MTMR12: variants seen among roughly 807,000 people sequenced by gnomAD.
MTMR12 encodes the protein myotubularin related protein 12.
In MTMR12, 33 loss-of-function variants were observed where a neutral mutation model predicts 96.7. That is an observed-to-expected ratio of 0.34 (90% CI 0.26 to 0.46). The LOEUF (loss-of-function observed/expected upper bound fraction) is 0.46. Among genes scored for constraint, MTMR12 ranks in the 20% least tolerant of loss-of-function variants. MTMR12 has a pLI of 1.00. For synonymous variants in MTMR12, 298 were observed against 327.2 expected, an observed-to-expected ratio of 0.91 and a Z score of 0.96; for missense variants, 721 against 896.1, an observed-to-expected ratio of 0.80 and a Z score of 2.49.
At chr5:32,263,818 T>C (rs1012315205) in intron 6 of MTMR12, among the ~76,000 whole-genome samples, 1 of 152,202 alleles carries the variant, frequency 6.6e-6, no homozygotes, top group African/African-American at 2.4e-5. Flanking sequence ...CATCTGACCA[T>C]GAGTTAATTT....
At chr5:32,259,546 C>A (rs1749275182) in intron 7 of MTMR12, among the ~76,000 whole-genome samples, 1 of 152,344 alleles carries the variant, frequency 6.6e-6, no homozygotes, top group Admixed American at 6.5e-5. Context: ...CCGTGTTACA[C>A]TGAGGACATA....
At chr5:32,235,193 G>C (rs1485030459) in intron 13 of MTMR12, 64 bp from the exon 14 acceptor site, 9 of 1,494,960 alleles carry the variant, frequency 6.0e-6, no homozygotes, top group South Asian at 3.9e-5. Flanking sequence ...CTGAGTTCAG[G>C]GGGCAGCCAC....
Position 32,229,947 on chromosome 5 carries a change from G to A in MTMR12, c.2075C>T (p.Ala692Val). The part of the protein sequence containing the change: ...HHSQQAPQAE[A>V]PCLLRNSARL... ...GGCAGAGTTCCTCAGCAGGCAGGGG[G>A]CCTCAGCCTGGGGGGCCTGCTGGCT... The change falls in exon 16 of 16, where the codon GCC (alanine) becomes GTC (valine). Residue 692 changes from alanine to valine, a missense_variant. Transcript: ENST00000382142. 3 of 1,612,392 alleles carry A rather than the reference G, an allele frequency of 1.9e-6. No individual in the cohort carries two copies. The South Asian group carries it at 3.3e-5, about 18-fold the overall frequency.
intron 1 of MTMR12, among the ~76,000 whole-genome samples, chr5:32,279,072 GTC>G (rs1750175833): frequency 1.6e-5 from 1 of 62,004 alleles, no homozygotes; most frequent in Non-Finnish European, 3.0e-5. Flanking sequence ...GCGAAACTCT[GTC>G]TCAAAAAAAA....
chr5:32,247,800 G>GGAGGCGGGGAGGGAAAGCCTGGAGA, intron 10 of MTMR12: 18 of 985,194 alleles, frequency 1.8e-5, no homozygotes, highest in Non-Finnish European at 2.2e-5. Flanking sequence ...GCCACAATAA[G>GGAGGCGGGGAGGGAAAGCCTGGAGA]GAGGCGGGGA....
chr5:32,305,687 T>C (rs1751327499), intron 1 of MTMR12, among the ~76,000 whole-genome samples: 1 of 152,148 alleles, frequency 6.6e-6, no homozygotes, highest in African/African-American at 2.4e-5. Flanking sequence ...GTGGATCACC[T>C]GAGGTTGGGA....
chr5:32,293,460 G>A (rs1485095766), intron 1 of MTMR12, among the ~76,000 whole-genome samples: 1 of 152,150 alleles, frequency 6.6e-6, no homozygotes, highest in Admixed American at 6.5e-5. Context: ...CTTCAGTTTT[G>A]AGACTCTGAC....
chr5:32,262,437 C>G (rs1040845617), intron 7 of MTMR12, among the ~76,000 whole-genome samples: 1 of 151,912 alleles, frequency 6.6e-6, no homozygotes, highest in African/African-American at 2.4e-5. Context: ...CCCATCTCTA[C>G]AAAAAGCAGA....
At chr5:32,243,818 G>T (rs541680370) in intron 10 of MTMR12, among the ~76,000 whole-genome samples, 2 of 152,334 alleles carry the variant, frequency 1.3e-5, no homozygotes, top group East Asian at 3.9e-4. Context: ...TGGTCAAAAA[G>T]AGATCTTTAT....
intron 15 of MTMR12, among the ~76,000 whole-genome samples, chr5:32,232,167 T>TC (rs896165066): frequency 2.6e-5 from 4 of 151,618 alleles, no homozygotes; most frequent in Admixed American, 2.0e-4. Context: ...CTGGAATGGG[T>TC]CCCCCCCACC....
chr5:32,233,758 A>G lies in MTMR12; in HGVS notation c.1674+15T>C. On this transcript the variant is annotated intron_variant, in intron 15 of 15. Coordinates refer to ENST00000382142, the MANE Select transcript of MTMR12 (RefSeq NM_001040446.3). This position sits in a 1 kb window ranked among gnomAD's most constrained non-coding sequence, Gnocchi z 5.0. ...CTGGGCAGCTGAAGGGGGTTTAGAC[A>G]TGTGGACATCTTACTTTGAAGCGCA... The G allele has an allele frequency of 6.2e-7, 1 of 1,614,198 alleles. No individual in the cohort carries two copies. Among genetic ancestry groups the G allele is most frequent in the Non-Finnish European group, 8.5e-7 (1 of 1,180,014 alleles).
intron 1 of MTMR12, among the ~76,000 whole-genome samples, chr5:32,306,632 T>A (rs961371953): frequency 6.6e-6 from 1 of 152,168 alleles, no homozygotes; most frequent in Non-Finnish European, 1.5e-5. Context: ...AAATAAAACC[T>A]TTCCTGAGCT....
intron 7 of MTMR12, among the ~76,000 whole-genome samples, chr5:32,261,505 A>C (rs1288674061): frequency 1.3e-5 from 2 of 152,172 alleles, no homozygotes; most frequent in African/African-American, 2.4e-5. Flanking sequence ...TCCACCATGT[A>C]AAACCTTCCT....
intron 1 of MTMR12, among the ~76,000 whole-genome samples, chr5:32,309,365 T>C (rs1325587241): frequency 6.6e-6 from 1 of 152,092 alleles, no homozygotes; most frequent in East Asian, 1.9e-4. Flanking sequence ...AATGGACAAA[T>C]GGGATCACAT....
chr5:32,299,925 G>C (rs867850505), intron 1 of MTMR12, among the ~76,000 whole-genome samples: 1 of 152,074 alleles, frequency 6.6e-6, no homozygotes, highest in East Asian at 1.9e-4. Flanking sequence ...CTTTAATGTC[G>C]ACCTTTCCAA....
intron 7 of MTMR12, among the ~76,000 whole-genome samples, chr5:32,257,261 A>G (rs1749176111): frequency 6.6e-6 from 1 of 152,318 alleles, no homozygotes; most frequent in East Asian, 1.9e-4. Context: ...TCAAGGCTGC[A>G]ATGAGCCATC....
intron 1 of MTMR12, among the ~76,000 whole-genome samples, chr5:32,309,115 C>T (rs1271056913): frequency 1.3e-5 from 2 of 152,166 alleles, no homozygotes; most frequent in African/African-American, 2.4e-5. Flanking sequence ...CCCTAATTAT[C>T]CCTCAAAGGA....
chr5:32,284,728 A>C (rs1750456432), intron 1 of MTMR12, among the ~76,000 whole-genome samples: 1 of 152,218 alleles, frequency 6.6e-6, no homozygotes, highest in Admixed American at 6.5e-5. Context: ...AACACGAGGT[A>C]ACATTCCTCA....
At position 32,234,817 on chromosome 5, in the gene MTMR12, T is replaced by C. The variant is rs1006531029; in HGVS notation, c.1512+145A>G. On this transcript the variant is annotated intron_variant, in intron 14 of 15. Coordinates refer to ENST00000382142, the MANE Select transcript of MTMR12 (RefSeq NM_001040446.3). ...GCATGTCATCCTCTCGCAGGGGCCATGCTAATCTTCTCTGTATTATTCCAA... is the reference window on the plus strand; with the variant it reads ...GCATGTCATCCTCTCGCAGGGGCCACGCTAATCTTCTCTGTATTATTCCAA... 2.0e-5 allele frequency: 14 copies of C among 697,244 alleles called. No individual in the cohort carries two copies. In the South Asian group the frequency reaches 3.4e-4, roughly 17 times the overall value. 43.2% of individuals were successfully genotyped at this position (697,244 alleles called of 1,614,324 possible). A position where few individuals can be genotyped will look rare whatever the true frequency, so the allele number is the denominator to read the frequency against.
Sources: allele counts gnomAD v4.1 joint callset (sites outside exome capture counted in the v4.1 genomes callset), GRCh38; gene constraint gnomAD v4.1.1; non-coding constraint Gnocchi (gnomAD v3.1); transcripts MANE v1.5; gene names NCBI Gene and HGNC (gene_info 2026-07-23, HGNC 2026-07-21).